Variants in UNC13D observed in about 807,000 individuals in gnomAD.
The protein encoded by UNC13D is protein unc-13 homolog D.
UNC13D carries 115 observed loss-of-function variants against 151.7 expected under a neutral mutation model. The observed-to-expected ratio is 0.76, with a 90% confidence interval of 0.65 to 0.88. The LOEUF (loss-of-function observed/expected upper bound fraction) is 0.88, where lower values mean the gene tolerates loss of function less well. Ranked by LOEUF, UNC13D falls within the 40% of genes least tolerant of loss-of-function variation. The pLI is 0.00. For missense variants in UNC13D, 1,369 were observed against 1,438.7 expected (o/e 0.95, Z 0.78); for synonymous variants, 588 against 612.2 (o/e 0.96, Z 0.58).
rs762457631 is a variant in UNC13D at position 75,834,661 on chromosome 17, T to C, written c.2048A>G (p.Glu683Gly). Residue 683 changes from glutamate to glycine, a missense_variant, in exon 22 of 32, where the codon GAG becomes GGG. Transcript: ENST00000207549. ...YCSLIKARAR[E>G]LSSGQKDQGQ... ...TTGGTCCTTCTGGCCTGAAGAGAGC[T>C]CGCGGGCCCGGGCCTTTATAAGGCT... The C allele has an allele frequency of 6.2e-7, 1 of 1,613,576 alleles. No homozygotes were observed. The highest frequency in any genetic ancestry group is 1.1e-5 in the South Asian group (1 of 91,076).
chr17:75,842,634 C>T (rs554195149), intron 5 of UNC13D, 21 bp from the exon 6 acceptor site: 122 of 1,610,394 alleles, frequency 7.6e-5, no homozygotes, highest in Middle Eastern at 1.9e-4. Flanking sequence ...GTGGGGAAGA[C>T]GAGGCAGCCA....
rs1316297114 is a variant in UNC13D at position 75,842,511 on chromosome 17, G to A, written c.491C>T (p.Thr164Ile). Residue 164 changes from threonine to isoleucine, a missense_variant, in exon 6 of 32, where the codon ACC becomes ATC. This residue lies in a region of UNC13D where 550 missense variants were observed against 609.0 expected (regional missense o/e 0.90). Coordinates refer to ENST00000207549, the MANE Select transcript of UNC13D (RefSeq NM_199242.3). ...GCGGTGGGTCTCCTCCTCGGGGATG[G>A]TGTGCCTCACCACAGCCTTCTGCCG... ...RHRQKAVVRH[T>I]IPEEETHRTQ... 6.2e-7 allele frequency: 1 copy of A among 1,613,284 alleles called. No individual in the cohort carries two copies. The highest frequency in any genetic ancestry group is 1.7e-5 in the Admixed American group (1 of 60,022).
Position 75,836,126 on chromosome 17 carries a change from G to A in UNC13D, c.1447-17C>T, listed in dbSNP as rs375860793. The A allele has an allele frequency of 3.0e-4, 479 of 1,612,778 alleles. 9 individuals are homozygous for A. The South Asian group carries it at 5.0e-3, about 17-fold the overall frequency. Reference sequence around the variant, plus strand: ...CGGGATGCCCTGCAGAGACAGAGGTGGGCTGGGCAGGGCTGCCAGAGGCAG... The same window carrying A: ...CGGGATGCCCTGCAGAGACAGAGGTAGGCTGGGCAGGGCTGCCAGAGGCAG... On this transcript the variant is annotated splice_polypyrimidine_tract_variant and intron_variant, in intron 16 of 31. Transcript: ENST00000207549.
rs928218640 is a variant in UNC13D, at chr17:75,838,051, G to A, written c.1056-1133C>T. ...GCACCACCATTCCACCCTTGTCTCC[G>A]AATCACCCACCTGCCTGAGGTCCTA... is the stretch of plus-strand genomic sequence containing the variant. On this transcript the variant is annotated intron_variant, in intron 12 of 31. Coordinates refer to ENST00000207549, the MANE Select transcript of UNC13D (RefSeq NM_199242.3). Among the ~76,000 whole-genome samples the A allele has an allele frequency of 2.0e-5, 3 of 151,976 alleles. No individual in the cohort carries two copies. The East Asian group carries it at 5.8e-4, about 29-fold the overall frequency.
At chr17:75,834,283 A>G (rs375542447) in intron 23 of UNC13D, 42 bp downstream of exon 23, 812 of 1,587,662 alleles carry the variant, frequency 5.1e-4, no homozygotes, top group Non-Finnish European at 6.8e-4. Flanking sequence ...GGTAGGCTGA[A>G]GACGGGATGG....
At chr17:75,828,656 G>A (rs1019616001) in intron 31 of UNC13D, 131 bp downstream of exon 31, 1 of 1,030,602 alleles carries the variant, frequency 9.7e-7, no homozygotes, top group Admixed American at 3.1e-5. Context: ...CGAGAGATGG[G>A]CCGTGGCTGT....
chr17:75,834,158 C>G lies in UNC13D; in HGVS notation c.2299-15G>C. 6.2e-7 allele frequency: 1 copy of G among 1,613,528 alleles called. No individual in the cohort carries two copies. Among genetic ancestry groups the G allele is most frequent in the South Asian group, 1.1e-5 (1 of 91,082 alleles). ...CCCACCTCCAACTGGAGACACAAAACGGAAGAAGGAGGGAGGTCAGGGCAT... is the reference window on the plus strand; with the variant it reads ...CCCACCTCCAACTGGAGACACAAAAGGGAAGAAGGAGGGAGGTCAGGGCAT... On this transcript the variant is annotated splice_polypyrimidine_tract_variant and intron_variant, in intron 23 of 31. Transcript: ENST00000207549.
In UNC13D at chr17:75,839,704, T is replaced by C. The variant is rs2064933628; in HGVS notation, c.1055+135A>G. On this transcript the variant is annotated intron_variant, in intron 12 of 31. Coordinates refer to ENST00000207549, the MANE Select transcript of UNC13D (RefSeq NM_199242.3). ...TAGACTTTTTAAAATTGGCAACTGA[T>C]TCAAAACTTAAAACACACATTTTGG... 1.3e-5 allele frequency: 13 copies of C among 984,066 alleles called. No homozygotes were observed. The South Asian group carries it at 1.6e-4, about 12-fold the overall frequency. The allele number at this position is 984,066 out of a possible 1,614,324, so 61.0% of individuals were successfully genotyped here.
intron 16 of UNC13D, 42 bp downstream of exon 16, chr17:75,836,158 C>T (rs773020512): frequency 6.2e-7 from 1 of 1,610,930 alleles, no homozygotes; most frequent in Admixed American, 1.7e-5. Flanking sequence ...GCAGGCACCA[C>T]CCCCCGTGAC....
Position 75,840,670 on chromosome 17 carries a change from A to G in UNC13D, c.683+92T>C. On this transcript the variant is annotated intron_variant, in intron 8 of 31. Transcript: ENST00000207549. This position sits in a 1 kb window ranked among gnomAD's most constrained non-coding sequence, Gnocchi z 4.6. ...CCGGCCGCAGCCACCTGGACCCCAAAGGAGCCTGCACCCCAGCATCCAGTG... is the reference window on the plus strand; with the variant it reads ...CCGGCCGCAGCCACCTGGACCCCAAGGGAGCCTGCACCCCAGCATCCAGTG... The G allele has an allele frequency of 6.2e-7, 1 of 1,610,822 alleles. No homozygotes were observed. Among genetic ancestry groups the G allele is most frequent in the Non-Finnish European group, 8.5e-7 (1 of 1,177,486 alleles).
At position 75,835,714 on chromosome 17, in the gene UNC13D, C is replaced by T. The variant is rs764975268; in HGVS notation, c.1660G>A (p.Glu554Lys). The T allele has an allele frequency of 2.5e-6, 4 of 1,613,684 alleles. No homozygotes were observed. Among genetic ancestry groups the T allele is most frequent in the East Asian group, 2.2e-5 (1 of 44,886 alleles). Residue 554 changes from glutamate (E) to lysine (K), a missense_variant, in exon 19 of 32, where the codon GAG becomes AAG. By Grantham distance (56) the Glu-to-Lys change is moderately conservative (BLOSUM62 1). Coordinates refer to ENST00000207549, the MANE Select transcript of UNC13D (RefSeq NM_199242.3). The stretch of plus-strand genomic sequence containing the variant: ...CTGATGTAGAGCTGGAACAGACTCT[C>T]GCCCATCTCTGGGGACACTACATCA... ...VGDVVSPEMGESLFQLYISLK... is the reference protein window; with the variant it reads ...VGDVVSPEMGKSLFQLYISLK...
Position 75,836,193 on chromosome 17 carries a change from C to T in UNC13D, c.1446+7G>A. Reference sequence around the variant, plus strand: ...CCCCCTGCCCTCCCCCTTGCCCAGCCCCTCACCTGCACCATGGGTTGATGG... The same window carrying T: ...CCCCCTGCCCTCCCCCTTGCCCAGCTCCTCACCTGCACCATGGGTTGATGG... On this transcript the variant is annotated splice_region_variant and intron_variant, in intron 16 of 31. Coordinates refer to ENST00000207549, the MANE Select transcript of UNC13D (RefSeq NM_199242.3). The T allele has an allele frequency of 1.2e-6, 2 of 1,610,448 alleles. No individual in the cohort carries two copies. Among genetic ancestry groups the T allele is most frequent in the Non-Finnish European group, 1.7e-6 (2 of 1,178,848 alleles).
intron 30 of UNC13D, among the ~76,000 whole-genome samples, chr17:75,829,346 A>C (rs929928640): frequency 2.0e-5 from 3 of 152,202 alleles, no homozygotes; most frequent in African/African-American, 7.2e-5. Context: ...CCTAGGCTGG[A>C]GTGCAGTGGC....
chr17:75,841,255 C>G (rs2064947208), intron 6 of UNC13D: 1 of 448,950 alleles, frequency 2.2e-6, no homozygotes, highest in Non-Finnish European at 4.1e-6. Context: ...AGCAATTTTC[C>G]TGCCTCAGCC....
intron 1 of UNC13D, 174 bp downstream of exon 1, chr17:75,844,047 T>A (rs2064968571): frequency 1.3e-5 from 19 of 1,437,858 alleles, no homozygotes; most frequent in Non-Finnish European, 1.7e-5. Flanking sequence ...AGAGTCCATC[T>A]GGCAGCCCCT....
At chr17:75,828,641 T>G in intron 31 of UNC13D, 146 bp downstream of exon 31, 1 of 915,638 alleles carries the variant, frequency 1.1e-6, no homozygotes, top group Non-Finnish European at 1.5e-6. Context: ...GTCTCTTGAT[T>G]AGACCGAGAG....
At chr17:75,830,551 G>C in intron 28 of UNC13D, 27 bp downstream of exon 28, 6 of 1,569,908 alleles carry the variant, frequency 3.8e-6, no homozygotes, top group Non-Finnish European at 5.2e-6. Flanking sequence ...GGCCTGCAGA[G>C]GGCGCAGTGC....
At position 75,832,924 on chromosome 17, in the gene UNC13D, G is replaced by A. The variant is rs2064882007; in HGVS notation, c.2447+42C>T. On this transcript the variant is annotated intron_variant, in intron 25 of 31. Transcript: ENST00000207549. The surrounding 1 kb of genome is among the most constrained non-coding windows in gnomAD (Gnocchi z 4.3). The stretch of plus-strand genomic sequence containing the variant: ...GGAAGGAGGGGCCGTGGGAGGAGAG[G>A]GGGAGGTGGCGAGCGCGCCCAGGGC... The A allele has an allele frequency of 6.5e-7, 1 of 1,544,390 alleles. No individual in the cohort carries two copies. Among genetic ancestry groups the A allele is most frequent in the African/African-American group, 1.4e-5 (1 of 73,688 alleles).
Position 75,833,118 on chromosome 17 carries a change from TGGA to T in UNC13D, c.2368-76_2368-74del. ...CCACCCCCATCCCCTTCCCCTGACC[TGGA>T]GGGAGGAAACAGGGCTGGGAACCGT... On this transcript the variant is annotated intron_variant, in intron 24 of 31. Coordinates refer to ENST00000207549, the MANE Select transcript of UNC13D (RefSeq NM_199242.3). The surrounding 1 kb of genome is among the most constrained non-coding windows in gnomAD (Gnocchi z 4.0). 6.9e-7 allele frequency: 1 copy of T among 1,459,320 alleles called. No homozygotes were observed. Among genetic ancestry groups the T allele is most frequent in the Admixed American group, 2.0e-5 (1 of 50,598 alleles). The allele number at this position is 1,459,320 out of a possible 1,614,324, so 90.4% of individuals were successfully genotyped here.
Sources: gnomAD v4.1 joint callset for allele counts (sites outside exome capture counted in the v4.1 genomes callset) on GRCh38, gnomAD v4.1.1 for gene constraint, gnomAD v4.1.1 regional missense constraint, Gnocchi (gnomAD v3.1) non-coding constraint, MANE v1.5 for transcripts, NCBI Gene and HGNC (gene_info 2026-07-23, HGNC 2026-07-21) for gene names.